MROH9: variants seen among roughly 807,000 people sequenced by gnomAD.
MROH9 encodes the protein maestro heat-like repeat-containing protein family member 9.
In MROH9, 92 loss-of-function variants were observed where a neutral mutation model predicts 98.2. The observed-to-expected ratio is 0.94, with a 90% CI of 0.79 to 1.11. MROH9 has a LOEUF of 1.11. MROH9 is among the 50% of genes most tolerant of loss of function. MROH9 has a pLI of 0.00. For synonymous variants in MROH9, 397 were observed against 368.9 expected (o/e 1.08, Z -0.87); for missense variants, 1,057 against 1,014.8 (o/e 1.04, Z -0.57).
chr1:170,976,861 A>C (rs1650716965), intron 8 of MROH9, among the ~76,000 whole-genome samples: 1 of 152,126 alleles, frequency 6.6e-6, no homozygotes, highest in African/African-American at 2.4e-5. Flanking sequence ...TATTGCAGGG[A>C]TGCCAATAAC....
At chr1:171,010,217 A>G (rs1051441148) in intron 15 of MROH9, among the ~76,000 whole-genome samples, 2 of 152,208 alleles carry the variant, frequency 1.3e-5, no homozygotes, top group African/African-American at 4.8e-5. Flanking sequence ...TTCTTGTGAT[A>G]GTTTGCTGAA....
chr1:171,035,178 T>C (rs1387756351), intron 20 of MROH9, among the ~76,000 whole-genome samples: 2 of 151,938 alleles, frequency 1.3e-5, no homozygotes, highest in African/African-American at 4.8e-5. Flanking sequence ...GAGAGAAATA[T>C]TTGCACATGT....
At chr1:171,004,487 T>A (rs1348486267) in intron 15 of MROH9, among the ~76,000 whole-genome samples, 1 of 152,106 alleles carries the variant, frequency 6.6e-6, no homozygotes, top group East Asian at 1.9e-4. Flanking sequence ...GAGCTCCAGG[T>A]AAAGTCATAA....
chr1:170,953,183 G>GT (rs1248358515), intron 3 of MROH9, among the ~76,000 whole-genome samples: 1 of 151,974 alleles, frequency 6.6e-6, no homozygotes, highest in Non-Finnish European at 1.5e-5. Flanking sequence ...ATTTAGTAAA[G>GT]TTTTTTCTTC....
chr1:170,989,729 T>G, intron 10 of MROH9, 126 bp from the exon 11 acceptor site: 2 of 748,330 alleles, frequency 2.7e-6, no homozygotes, highest in Non-Finnish European at 4.4e-6. Flanking sequence ...CTAGTGCTTA[T>G]CTGTATGTTA....
rs141323705 is a variant in MROH9 at position 171,013,825 on chromosome 1, T to C, written c.1597-292T>C. Among the ~76,000 whole-genome samples, 4 of 150,154 alleles carry C rather than the reference T, an allele frequency of 2.7e-5. No individual in the cohort carries two copies. In the East Asian group the frequency reaches 7.9e-4, roughly 30 times the overall value. ...ACTACAATCAGTATGATGGGGAAAT[T>C]TAAATTGGGTCACTCAGTTTCCAAC... is the stretch of plus-strand genomic sequence containing the variant. On this transcript the variant is annotated intron_variant, in intron 15 of 21. Transcript: ENST00000367759.
chr1:170,952,773 A>C (rs1194498874), intron 3 of MROH9, among the ~76,000 whole-genome samples: 1 of 150,172 alleles, frequency 6.7e-6, no homozygotes, highest in African/African-American at 2.5e-5. Flanking sequence ...ATATATATTA[A>C]AAAAAGAAGC....
chr1:170,945,170 G>C (rs896158209), intron 1 of MROH9, among the ~76,000 whole-genome samples: 3 of 151,748 alleles, frequency 2.0e-5, no homozygotes, highest in Non-Finnish European at 4.4e-5. Flanking sequence ...CAAAGTAATA[G>C]GTTCTTCAAT....
chr1:171,012,310 T>TA (rs1652180001), intron 15 of MROH9, among the ~76,000 whole-genome samples: 2 of 152,234 alleles, frequency 1.3e-5, no homozygotes, highest in South Asian at 4.1e-4. Context: ...AAGTTATTAA[T>TA]ACCTTCTGAC....
intron 3 of MROH9, 86 bp from the exon 4 acceptor site, chr1:170,958,375 G>C: frequency 1.4e-6 from 1 of 732,728 alleles, no homozygotes; most frequent in Non-Finnish European, 2.2e-6. Context: ...CTCTGTAAAA[G>C]GAAGAAGTGC....
intron 8 of MROH9, among the ~76,000 whole-genome samples, chr1:170,980,268 C>T (rs546701647): frequency 6.6e-6 from 1 of 151,976 alleles, no homozygotes; most frequent in Admixed American, 6.6e-5. Flanking sequence ...CAAAAAAGAC[C>T]CCGTAGAGCC....
At position 170,996,513 on chromosome 1, in the gene MROH9, C is replaced by T; in HGVS notation, c.1344C>T (p.Ala448=). 6.2e-7 allele frequency: 1 copy of T among 1,613,036 alleles called. No individual in the cohort carries two copies. Among genetic ancestry groups the T allele is most frequent in the Non-Finnish European group, 8.5e-7 (1 of 1,179,412 alleles). ...KPILKDRALY[A]QDALRVLLNC... ...CTCTCTTTTGGGGCTTTAGGTATGC[C>T]CAGGATGCCCTGAGAGTTCTGCTGA... Residue 448 remains alanine (A), a synonymous_variant, in exon 14 of 22, where the codon GCC becomes GCT. Coordinates refer to ENST00000367759, the MANE Select transcript of MROH9 (RefSeq NM_001163629.2).
intron 1 of MROH9, among the ~76,000 whole-genome samples, chr1:170,940,800 C>T (rs1408088133): frequency 3.3e-5 from 5 of 152,196 alleles, no homozygotes; most frequent in African/African-American, 9.7e-5. Flanking sequence ...GCACTAACCT[C>T]TGCAATCCCT....
intron 16 of MROH9, chr1:171,015,140 C>T (rs1331386310): frequency 2.2e-6 from 1 of 451,786 alleles, no homozygotes; most frequent in East Asian, 7.0e-5. Flanking sequence ...CGTTGTTTAT[C>T]TAATGAGCAT....
At chr1:171,058,726 C>T (rs772872316) in intron 20 of MROH9, among the ~76,000 whole-genome samples, 98 of 152,230 alleles carry the variant, frequency 6.4e-4, no homozygotes, top group Admixed American at 1.1e-3. Context: ...ACAAACCTGA[C>T]GAAAACAAGC....
intron 9 of MROH9, 130 bp from the exon 10 acceptor site, chr1:170,986,431 A>G (rs2101802690): frequency 1.4e-6 from 1 of 720,876 alleles, no homozygotes; most frequent in East Asian, 2.7e-5. Flanking sequence ...GACTCCAACA[A>G]GATGTATATG....
rs911182131 is a variant in MROH9, at chr1:170,998,593, G to T, written c.1596+319G>T. 6.1e-6 allele frequency: 8 copies of T among 1,313,774 alleles called. No individual in the cohort carries two copies. In the African/African-American group the frequency reaches 1.1e-4, roughly 17 times the overall value. The allele number at this position is 1,313,774 out of a possible 1,614,324, so 81.4% of individuals were successfully genotyped here. ...TTAAAGTATATTGAGGGATAATTGG[G>T]TTTAATAAAGATGGTAGTTAACATC... On this transcript the variant is annotated intron_variant, in intron 15 of 21. Coordinates refer to ENST00000367759, the MANE Select transcript of MROH9 (RefSeq NM_001163629.2).
Position 170,965,194 on chromosome 1 carries a change from A to G in MROH9, c.419A>G (p.Glu140Gly), listed in dbSNP as rs1650186967. 3.1e-6 allele frequency: 5 copies of G among 1,611,854 alleles called. No individual in the cohort carries two copies. In the Admixed American group the frequency reaches 8.3e-5, roughly 27 times the overall value. Reference protein sequence around the residue: ...WMSKDSSYLQERIMVIINKVL... With the variant: ...WMSKDSSYLQGRIMVIINKVL... ...AGTAAAGATAGCTCATATCTGCAAG[A>G]GAGAATAATGGTGATCATCAACAAG... The change falls in exon 7 of 22, where the codon GAG (glutamate) becomes GGG (glycine). Residue 140 changes from glutamate to glycine, a missense_variant. Physicochemically the swap from Glu to Gly is moderately conservative, Grantham distance 98 (BLOSUM62 -2). Transcript: ENST00000367759.
chr1:171,026,914 G>A (rs976915014), intron 20 of MROH9, among the ~76,000 whole-genome samples: 2 of 151,950 alleles, frequency 1.3e-5, no homozygotes, highest in Admixed American at 6.6e-5. Context: ...ATAAGCTTTC[G>A]AAGTACAAGG....
Sources: allele counts gnomAD v4.1 joint callset (sites outside exome capture counted in the v4.1 genomes callset), GRCh38; gene constraint gnomAD v4.1.1; transcripts MANE v1.5; gene names NCBI Gene and HGNC (gene_info 2026-07-23, HGNC 2026-07-21).